Variants in SLC38A7 observed in about 807,000 individuals in gnomAD.
SLC38A7 encodes sodium-coupled neutral amino acid transporter 7.
Under a neutral mutation model 50.1 loss-of-function variants are expected in SLC38A7, and 29 were observed. That is an observed-to-expected ratio of 0.58 (90% CI 0.43 to 0.79). The LOEUF (loss-of-function observed/expected upper bound fraction) is 0.79, where lower values mean the gene tolerates loss of function less well. SLC38A7 is among the 30% of genes least tolerant of loss of function. The pLI is 0.00. For synonymous variants in SLC38A7, 244 were observed against 245.9 expected (o/e 0.99, Z 0.07); for missense variants, 483 against 610.6 (o/e 0.79, Z 2.20).
At position 58,671,088 on chromosome 16, in the gene SLC38A7, T is replaced by C; in HGVS notation, c.1188A>G (p.Ser396=). The C allele has an allele frequency of 6.2e-7, 1 of 1,613,006 alleles. No homozygotes were observed. Among genetic ancestry groups the C allele is most frequent in the Non-Finnish European group, 8.5e-7 (1 of 1,179,520 alleles). ...AGCAGGCGGCCAGGCCTCCAATGAC[T>C]GAGATCACCTTGCCGATGTCAGGGA... The part of the protein sequence containing the change: ...LFIPDIGKVI[S]VIGGLAACFI... The change falls in exon 10 of 12, where the codon TCA becomes TCG. Residue 396 remains serine (S), a synonymous_variant. Transcript: ENST00000219320.
chr16:58,671,726 C>T, intron 9 of SLC38A7: 1 of 212,690 alleles, frequency 4.7e-6, no homozygotes, highest in Non-Finnish European at 9.5e-6. Flanking sequence ...CATCCCACCA[C>T]ACCTGGCTAT....
At chr16:58,672,866 C>T (rs2044184868) in intron 8 of SLC38A7, among the ~76,000 whole-genome samples, 1 of 152,008 alleles carries the variant, frequency 6.6e-6, no homozygotes, top group Non-Finnish European at 1.5e-5. Flanking sequence ...TCTTGAACTC[C>T]TGGGCTCAAG....
chr16:58,676,363 A>C lies in SLC38A7; in HGVS notation c.711-17T>G, dbSNP rs1425849658. The C allele has an allele frequency of 6.2e-7, 1 of 1,614,042 alleles. No homozygotes were observed. On this transcript the variant is annotated splice_polypyrimidine_tract_variant and intron_variant, in intron 6 of 11. Coordinates refer to ENST00000219320, the MANE Select transcript of SLC38A7 (RefSeq NM_018231.3). ...GAAGCCGGCCTGTGAACAAACACAC[A>C]TGGTGCTGCCACCTGGGAACCCCTC...
At chr16:58,677,512 G>T in intron 5 of SLC38A7, 88 bp from the exon 6 acceptor site, 1 of 1,115,220 alleles carries the variant, frequency 9.0e-7, no homozygotes, top group Non-Finnish European at 1.4e-6. Flanking sequence ...CAGCTCTAGC[G>T]ACCACAAGTG....
At chr16:58,671,972 C>T in intron 9 of SLC38A7, 124 bp downstream of exon 9, 1 of 1,218,488 alleles carries the variant, frequency 8.2e-7, no homozygotes, top group Non-Finnish European at 1.1e-6. Context: ...ATCCTAGGCA[C>T]CGACTCTTTT....
intron 8 of SLC38A7, among the ~76,000 whole-genome samples, chr16:58,674,184 G>A (rs1176189553): frequency 6.6e-6 from 1 of 152,122 alleles, no homozygotes; most frequent in Non-Finnish European, 1.5e-5. Context: ...GCCGAGGCTG[G>A]TCTTGAACTC....
At chr16:58,683,234 T>C (rs965507008) in intron 2 of SLC38A7, among the ~76,000 whole-genome samples, 1 of 152,174 alleles carries the variant, frequency 6.6e-6, no homozygotes, top group African/African-American at 2.4e-5. Context: ...TATTCAGCCA[T>C]AATGACTGCC....
chr16:58,670,540 A>G (rs576566901), intron 10 of SLC38A7, among the ~76,000 whole-genome samples: 26 of 152,340 alleles, frequency 1.7e-4, no homozygotes, highest in South Asian at 6.2e-4. Context: ...ACAAGCTGGA[A>G]AAGGGTGGAA....
chr16:58,666,491 C>T lies in SLC38A7; in HGVS notation c.*894G>A, dbSNP rs1269990971. The T allele has an allele frequency of 6.6e-6, 1 of 150,424 alleles. No homozygotes were observed. The allele number at this position is 150,424 out of a possible 1,614,324, so 9.3% of individuals were successfully genotyped here. On this transcript the variant is annotated 3_prime_UTR_variant, in exon 12 of 12. Transcript: ENST00000219320. ...TGAAAAAGAAGGTGTCGGGGAGGTA[C>T]ACCCTGATTCTGACCAGCCCAGCCC...
intron 8 of SLC38A7, among the ~76,000 whole-genome samples, 164 bp downstream of exon 8, chr16:58,675,776 C>T (rs1198483888): frequency 6.6e-6 from 1 of 152,190 alleles, no homozygotes; most frequent in Admixed American, 6.5e-5. Context: ...CCACTCTCAT[C>T]TTGGCAGGAG....
chr16:58,677,246 C>G, intron 6 of SLC38A7, 80 bp downstream of exon 6: 1 of 1,178,180 alleles, frequency 8.5e-7, no homozygotes, highest in South Asian at 1.2e-5. Flanking sequence ...ACCTGTGTGG[C>G]CTTCTGGTTC....
Position 58,678,552 on chromosome 16 carries a change from C to T in SLC38A7, c.470-78G>A. 1.9e-6 allele frequency: 3 copies of T among 1,552,566 alleles called. No individual in the cohort carries two copies. Among genetic ancestry groups the T allele is most frequent in the Non-Finnish European group, 1.7e-6 (2 of 1,144,768 alleles). ...CCTCCTGCTCTGCTGGGCCCCAGGACCTCCCTCTGCCTGGAGGGAGGATTC... is the reference window on the plus strand; with the variant it reads ...CCTCCTGCTCTGCTGGGCCCCAGGATCTCCCTCTGCCTGGAGGGAGGATTC... On this transcript the variant is annotated intron_variant, in intron 4 of 11. Coordinates refer to ENST00000219320, the MANE Select transcript of SLC38A7 (RefSeq NM_018231.3). This position sits in a 1 kb window ranked among gnomAD's most constrained non-coding sequence, Gnocchi z 4.0.
chr16:58,678,505 C>A lies in SLC38A7; in HGVS notation c.470-31G>T. On this transcript the variant is annotated intron_variant, in intron 4 of 11. Coordinates refer to ENST00000219320, the MANE Select transcript of SLC38A7 (RefSeq NM_018231.3). The surrounding 1 kb of genome is among the most constrained non-coding windows in gnomAD (Gnocchi z 4.0). ...CAGGGAGGAAGGAGGGAATGTCAAGCCAGGCCACCATGGGGTGTGGCCCTC... is the reference window on the plus strand; with the variant it reads ...CAGGGAGGAAGGAGGGAATGTCAAGACAGGCCACCATGGGGTGTGGCCCTC... The A allele has an allele frequency of 6.5e-7, 1 of 1,543,864 alleles. No individual in the cohort carries two copies. The highest frequency in any genetic ancestry group is 1.3e-5 in the South Asian group (1 of 79,642).
At chr16:58,671,992 T>G in intron 9 of SLC38A7, 104 bp downstream of exon 9, 1 of 1,333,216 alleles carries the variant, frequency 7.5e-7, no homozygotes, top group Non-Finnish European at 1.0e-6. Flanking sequence ...TCTACAGGCT[T>G]CAGTTTCTCC....
At chr16:58,672,808 A>C (rs1184431745) in intron 8 of SLC38A7, among the ~76,000 whole-genome samples, 4 of 151,844 alleles carry the variant, frequency 2.6e-5, no homozygotes, top group Admixed American at 2.0e-4. Flanking sequence ...CACCACACCC[A>C]GCTAATTTTC....
At position 58,672,167 on chromosome 16, in the gene SLC38A7, G is replaced by A. The variant is rs770670227; in HGVS notation, c.960C>T (p.Ala320=). 26 of 1,568,492 alleles carry A rather than the reference G, an allele frequency of 1.7e-5. No individual in the cohort carries two copies. The African/African-American group carries it at 2.6e-4, about 16-fold the overall frequency. Residue 320 remains alanine (A), a synonymous_variant, in exon 9 of 12, where the codon GCC becomes GCT. Coordinates refer to ENST00000219320, the MANE Select transcript of SLC38A7 (RefSeq NM_018231.3). ...TGATGAAGGCTCGGGCAACGGCCAC[G>A]GCCATGTCCTCCGAGGGATAGGACA... ...VLLSYPSEDM[A]VAVARAFIIL...
Position 58,680,077 on chromosome 16 carries a change from G to A in SLC38A7, c.50C>T (p.Thr17Met), listed in dbSNP as rs770200248. Residue 17 changes from threonine (T) to methionine (M), a missense_variant, in exon 3 of 12, where the codon ACG becomes ATG. Transcript: ENST00000219320. ...NNDYSEWDLS[T>M]DAGERARLLQ... ...CAGCCGAGCCCGCTCCCCGGCATCC[G>A]TGCTCAAGTCCCACTCGCTGTAGTC... is the stretch of plus-strand genomic sequence containing the variant. The A allele has an allele frequency of 7.7e-6, 12 of 1,567,462 alleles. No homozygotes were observed. Among genetic ancestry groups the A allele is most frequent in the African/African-American group, 1.4e-5 (1 of 73,622 alleles).
rs954575451 is a variant in SLC38A7 at position 58,667,191 on chromosome 16, T to G, written c.*194A>C. The G allele has an allele frequency of 1.8e-6, 1 of 547,040 alleles. No homozygotes were observed. Among genetic ancestry groups the G allele is most frequent in the African/African-American group, 1.9e-5 (1 of 52,016 alleles). The allele number at this position is 547,040 out of a possible 1,614,324, so 33.9% of individuals were successfully genotyped here. On this transcript the variant is annotated 3_prime_UTR_variant, in exon 12 of 12. Transcript: ENST00000219320. ...CCGCCATCCACGGCACTGCCAGGACTGGGGAGCAGGAAGGGGACTGGATTT... is the reference window on the plus strand; with the variant it reads ...CCGCCATCCACGGCACTGCCAGGACGGGGGAGCAGGAAGGGGACTGGATTT...
chr16:58,676,073 C>T lies in SLC38A7; in HGVS notation c.769-19G>A, dbSNP rs372858835. 6.5e-5 allele frequency: 105 copies of T among 1,608,410 alleles called. No individual in the cohort carries two copies. In the African/African-American group the frequency reaches 1.0e-3, roughly 16 times the overall value. On this transcript the variant is annotated intron_variant, in intron 7 of 11. Coordinates refer to ENST00000219320, the MANE Select transcript of SLC38A7 (RefSeq NM_018231.3). ...CGTGGCACTGTCCAGGTGAAGGGCA[C>T]CGTCATGGTGGGGAAATGACCTCAA...
Sources: gnomAD v4.1 joint callset for allele counts (sites outside exome capture counted in the v4.1 genomes callset) on GRCh38, gnomAD v4.1.1 for gene constraint, Gnocchi (gnomAD v3.1) non-coding constraint, MANE v1.5 for transcripts, NCBI Gene and HGNC (gene_info 2026-07-23, HGNC 2026-07-21) for gene names.